The following NRK variants were observed in gnomAD, a reference collection of about 807,000 sequenced individuals.
NRK encodes the protein Nik related kinase.
A neutral mutation model predicts 125.2 loss-of-function variants in NRK; 67 were observed. The observed-to-expected ratio is 0.54, with a 90% CI of 0.44 to 0.66. The LOEUF is 0.66. Among genes scored for constraint, NRK ranks in the 30% least tolerant of loss-of-function variants. The pLI is 0.00. For missense variants in NRK, 1,224 were observed against 1,192.9 expected (o/e 1.03, Z -0.38); for synonymous variants, 458 against 429.0 (o/e 1.07, Z -0.84).
chrX:105,840,561 GA>G (rs2039318387), intron 2 of NRK, among the ~76,000 whole-genome samples: 1 of 111,071 alleles, frequency 9.0e-6, no homozygotes, highest in Admixed American at 9.7e-5. Flanking sequence ...TCCCAATTAT[GA>G]AAATCTTTAT....
At chrX:105,868,973 AACAC>A (rs913570066) in intron 2 of NRK, among the ~76,000 whole-genome samples, 1 of 110,344 alleles carries the variant, frequency 9.1e-6, no homozygotes, top group Non-Finnish European at 1.9e-5. Flanking sequence ...AATTAAAAAA[AACAC>A]ACACACACAC....
intron 2 of NRK, among the ~76,000 whole-genome samples, chrX:105,841,220 T>C (rs1166069187): frequency 9.0e-6 from 1 of 111,438 alleles, no homozygotes; most frequent in East Asian, 2.8e-4. Flanking sequence ...TGGAAGCTCT[T>C]ATAATTTTAT....
intron 5 of NRK, among the ~76,000 whole-genome samples, chrX:105,893,496 G>A (rs920748063): frequency 1.8e-5 from 2 of 111,579 alleles, no homozygotes; most frequent in Non-Finnish European, 3.8e-5. Context: ...CTTTCTAAAA[G>A]CATGTGTTTA....
chrX:105,952,548 A>G (rs754451508), intron 27 of NRK, among the ~76,000 whole-genome samples: 20 of 112,285 alleles, frequency 1.8e-4, no homozygotes, highest in African/African-American at 6.4e-4. Flanking sequence ...GAATTGCATT[A>G]GGGTTGCTAC....
At chrX:105,910,497 C>A (rs1159269270) in intron 13 of NRK, among the ~76,000 whole-genome samples, 7 of 112,308 alleles carry the variant, frequency 6.2e-5, no homozygotes, top group Non-Finnish European at 1.3e-4. Context: ...GAACGTGAAA[C>A]AATTTACAAA....
intron 2 of NRK, among the ~76,000 whole-genome samples, chrX:105,831,910 A>G (rs1013532562): frequency 6.2e-5 from 7 of 112,170 alleles, no homozygotes; most frequent in African/African-American, 1.9e-4. Context: ...AAAGTGTAAC[A>G]ACTATTTATA....
intron 2 of NRK, among the ~76,000 whole-genome samples, chrX:105,853,101 T>C (rs1473589514): frequency 8.9e-6 from 1 of 111,807 alleles, no homozygotes; most frequent in African/African-American, 3.3e-5. Context: ...CCTTTTGGTA[T>C]GGTTGATTCA....
chrX:105,928,857 A>C (rs1229149042), intron 19 of NRK, among the ~76,000 whole-genome samples: 1 of 111,875 alleles, frequency 8.9e-6, no homozygotes, highest in African/African-American at 3.2e-5. Context: ...CTCAATAATA[A>C]TGTTGATTTA....
intron 2 of NRK, among the ~76,000 whole-genome samples, chrX:105,835,100 G>A (rs933818417): frequency 9.0e-6 from 1 of 111,650 alleles, no homozygotes; most frequent in African/African-American, 3.2e-5. Flanking sequence ...GACATAGTAT[G>A]TAGAACAGTA....
At position 105,890,790 on chromosome X, in the gene NRK, A is replaced by G. The variant is rs754017753; in HGVS notation, c.378+2371A>G. 1.7e-3 allele frequency among the ~76,000 whole-genome samples: 190 copies of G among 111,746 alleles called. 2 individuals are homozygous for G. The highest frequency in any genetic ancestry group is 3.1e-3 in the Non-Finnish European group (165 of 53,189). ...GTCCCTCCCATGACATGTGGGAATTATGGGAGCTACAATTCAAGATGAGAT... is the reference window on the plus strand; with the variant it reads ...GTCCCTCCCATGACATGTGGGAATTGTGGGAGCTACAATTCAAGATGAGAT... On this transcript the variant is annotated intron_variant, in intron 5 of 28. Transcript: ENST00000243300.
chrX:105,873,829 T>TA (rs1199609782), intron 2 of NRK, among the ~76,000 whole-genome samples: 1 of 111,670 alleles, frequency 9.0e-6, no homozygotes, highest in Non-Finnish European at 1.9e-5. Flanking sequence ...TCTTCCCAGT[T>TA]ACTCTATTCA....
At chrX:105,824,888 A>G (rs1276678718) in intron 1 of NRK, among the ~76,000 whole-genome samples, 1 of 111,531 alleles carries the variant, frequency 9.0e-6, no homozygotes, top group Non-Finnish European at 1.9e-5. Context: ...AGACTTAATG[A>G]AAGTCTCATA....
chrX:105,848,682 A>G (rs1271236189), intron 2 of NRK, among the ~76,000 whole-genome samples: 2 of 111,642 alleles, frequency 1.8e-5, no homozygotes, highest in African/African-American at 6.5e-5. Flanking sequence ...TGAACCCTCT[A>G]TGTTCAGTTC....
chrX:105,885,312 A>C (rs1272023156), intron 4 of NRK, among the ~76,000 whole-genome samples: 1 of 111,901 alleles, frequency 8.9e-6, no homozygotes, highest in Non-Finnish European at 1.9e-5. Context: ...ATCACCTTCA[A>C]CTTTATTATG....
Position 105,909,036 on chromosome X carries a change from T to A in NRK, c.1395T>A (p.Ile465=), listed in dbSNP as rs776788674. 1.1e-5 allele frequency: 13 copies of A among 1,207,780 alleles called. No homozygotes were observed. The highest frequency in any genetic ancestry group is 1.5e-5 in the Non-Finnish European group (13 of 894,334). The part of the protein sequence containing the change: ...AKASKPLQMQ[I]KAPPRLRRAA... The stretch of plus-strand genomic sequence containing the variant: ...CCTCTAAACCTCTACAAATGCAGAT[T>A]AAGGCACCTCCACGACTACGGAGGG... Residue 465 remains isoleucine (I), a synonymous_variant, in exon 13 of 29, where the codon ATT becomes ATA. Transcript: ENST00000243300.
intron 2 of NRK, among the ~76,000 whole-genome samples, chrX:105,847,025 C>T (rs1364792347): frequency 8.9e-6 from 1 of 111,874 alleles, no homozygotes; most frequent in Non-Finnish European, 1.9e-5. Context: ...CAGTAAATGT[C>T]TGAGCCAGGT....
chrX:105,948,788 T>C, intron 26 of NRK: 2 of 454,918 alleles, frequency 4.4e-6, no homozygotes, highest in Non-Finnish European at 7.6e-6. Context: ...TTTTTTTTTT[T>C]TTTAATGTGC....
At chrX:105,854,505 A>G (rs750197020) in intron 2 of NRK, among the ~76,000 whole-genome samples, 1 of 112,100 alleles carries the variant, frequency 8.9e-6, no homozygotes, top group South Asian at 3.7e-4. Flanking sequence ...TATTTGGTCA[A>G]TGGACTTCAG....
intron 2 of NRK, among the ~76,000 whole-genome samples, chrX:105,853,755 T>C (rs1400256942): frequency 3.6e-5 from 4 of 112,160 alleles, no homozygotes; most frequent in Non-Finnish European, 5.6e-5. Flanking sequence ...AATGAAAATA[T>C]ACTGTAAACT....
Sources: allele counts gnomAD v4.1 joint callset (sites outside exome capture counted in the v4.1 genomes callset), GRCh38; gene constraint gnomAD v4.1.1; transcripts MANE v1.5; gene names NCBI Gene and HGNC (gene_info 2026-07-23, HGNC 2026-07-21).